Variants in ATRNL1 observed in about 807,000 individuals in gnomAD.
ATRNL1 encodes the protein attractin like 1.
In ATRNL1, 95 loss-of-function variants were observed where a neutral mutation model predicts 182.7. The observed-to-expected ratio is 0.52, with a 90% CI of 0.44 to 0.62. The LOEUF (loss-of-function observed/expected upper bound fraction) is 0.62, where lower values mean the gene tolerates loss of function less well. Among genes scored for constraint, ATRNL1 ranks in the 20% least tolerant of loss-of-function variants. The pLI is 0.00. For synonymous variants in ATRNL1, 576 were observed against 568.3 expected (o/e 1.01, Z -0.19); for missense variants, 1,471 against 1,679.5 (o/e 0.88, Z 2.17).
chr10:115,467,141 GT>G, intron 22 of ATRNL1, 32 bp from the exon 23 acceptor site: 1 of 1,467,492 alleles, frequency 6.8e-7, no homozygotes, highest in Non-Finnish European at 9.5e-7. Flanking sequence ...TGTAATTTTC[GT>G]TTTTTAACCT....
At chr10:115,422,585 G>A (rs1409684833) in intron 20 of ATRNL1, among the ~76,000 whole-genome samples, 2 of 152,208 alleles carry the variant, frequency 1.3e-5, no homozygotes, top group Non-Finnish European at 2.9e-5. Context: ...TTGCTGGTGG[G>A]ATTGTAAATT....
At chr10:115,492,913 G>T (rs1443557963) in intron 24 of ATRNL1, among the ~76,000 whole-genome samples, 1 of 152,010 alleles carries the variant, frequency 6.6e-6, no homozygotes, top group East Asian at 1.9e-4. Context: ...AAAGTACAGG[G>T]ATTACAGGCG....
In ATRNL1 at chr10:115,268,435, C is replaced by T. The variant is rs782673382; in HGVS notation, c.2091C>T (p.Asn697=). 9 of 1,603,086 alleles carry T rather than the reference C, an allele frequency of 5.6e-6. No individual in the cohort carries two copies. The South Asian group carries it at 9.9e-5, about 18-fold the overall frequency. ...DDKKCISANS[N]CSMSVKNYTK... ...AGAAATGCATTTCGGCAAATAGTAACTGCAGTATGGTTAGTATTTATGGGT... is the reference window on the plus strand; with the variant it reads ...AGAAATGCATTTCGGCAAATAGTAATTGCAGTATGGTTAGTATTTATGGGT... The change falls in exon 13 of 29, where the codon AAC becomes AAT. Residue 697 remains asparagine (N), a synonymous_variant. Transcript: ENST00000355044.
chr10:115,925,918 G>A (rs2134577440), intron 28 of ATRNL1, among the ~76,000 whole-genome samples: 2 of 152,300 alleles, frequency 1.3e-5, no homozygotes, highest in East Asian at 3.9e-4. Context: ...GGACCTAATA[G>A]ACATCTACAG....
At chr10:115,284,098 T>C (rs569101049) in intron 14 of ATRNL1, among the ~76,000 whole-genome samples, 3 of 152,328 alleles carry the variant, frequency 2.0e-5, no homozygotes, top group African/African-American at 4.8e-5. Context: ...TGATCTCATA[T>C]GAGCTTGGCA....
intron 5 of ATRNL1, among the ~76,000 whole-genome samples, chr10:115,144,037 G>C (rs1386950659): frequency 1.3e-5 from 2 of 150,356 alleles, no homozygotes; most frequent in East Asian, 2.0e-4. Context: ...CTGGAGTGCA[G>C]TGGGCTATCT....
At chr10:115,935,033 T>A (rs1555122549) in intron 28 of ATRNL1, among the ~76,000 whole-genome samples, 2 of 152,218 alleles carry the variant, frequency 1.3e-5, no homozygotes, top group African/African-American at 4.8e-5. Flanking sequence ...TCAGAGATCA[T>A]CTCTCTTGGG....
At position 115,847,951 on chromosome 10, in the gene ATRNL1, A is replaced by G; in HGVS notation, c.3978A>G (p.Leu1326=). The change falls in exon 28 of 29, where the codon CTA becomes CTG. Residue 1326 remains leucine (L), a synonymous_variant. Coordinates refer to ENST00000355044, the MANE Select transcript of ATRNL1 (RefSeq NM_207303.4). ...RAAVLTVFLC[L]PRGSSGAPPP... ...CTGTTCTGACTGTGTTTCTTTGTCT[A>G]CCACGAGGATCATCAGGTGCCCCTC... 1.2e-6 allele frequency: 2 copies of G among 1,612,504 alleles called. No individual in the cohort carries two copies. Among genetic ancestry groups the G allele is most frequent in the Non-Finnish European group, 1.7e-6 (2 of 1,178,844 alleles).
At chr10:115,630,438 AG>A (rs1858409294) in intron 26 of ATRNL1, among the ~76,000 whole-genome samples, 1 of 151,962 alleles carries the variant, frequency 6.6e-6, no homozygotes, top group African/African-American at 2.4e-5. Context: ...CAGCTATTAT[AG>A]AAAACAATAC....
chr10:115,378,812 A>T (rs888378109), intron 19 of ATRNL1, among the ~76,000 whole-genome samples: 2 of 152,246 alleles, frequency 1.3e-5, no homozygotes, highest in Non-Finnish European at 2.9e-5. Context: ...AATCTATAAC[A>T]TATCTATTAA....
intron 26 of ATRNL1, among the ~76,000 whole-genome samples, chr10:115,569,098 G>A (rs564277359): frequency 1.3e-5 from 2 of 151,934 alleles, no homozygotes; most frequent in South Asian, 2.1e-4. Flanking sequence ...AGAAATATTA[G>A]AATGTGAAAA....
At position 115,908,556 on chromosome 10, in the gene ATRNL1, T is replaced by A. The variant is rs75127526; in HGVS notation, c.4019-36102T>A. 4.4e-3 allele frequency among the ~76,000 whole-genome samples: 669 copies of A among 152,290 alleles called. 2 individuals carry two copies. Among genetic ancestry groups the A allele is most frequent in the African/African-American group, 0.015 (629 of 41,554 alleles). ...CAGGTTGTCCAGGATAATCTCTCCA[T>A]CTGAAGGTCCTTCGTTTAATCACTT... On this transcript the variant is annotated intron_variant, in intron 28 of 28. Coordinates refer to ENST00000355044, the MANE Select transcript of ATRNL1 (RefSeq NM_207303.4).
chr10:115,536,941 T>C (rs1332247629), intron 25 of ATRNL1, among the ~76,000 whole-genome samples: 3 of 150,156 alleles, frequency 2.0e-5, no homozygotes, highest in Non-Finnish European at 4.4e-5. Flanking sequence ...AAGGACACTG[T>C]GAAGAATTAC....
chr10:115,930,458 A>G (rs189544383), intron 28 of ATRNL1, among the ~76,000 whole-genome samples: 8 of 152,316 alleles, frequency 5.3e-5, no homozygotes, highest in Admixed American at 2.0e-4. Flanking sequence ...CATAACTGAT[A>G]CTGATCTGAA....
chr10:115,922,438 C>G (rs1953093634), intron 28 of ATRNL1, among the ~76,000 whole-genome samples: 1 of 152,080 alleles, frequency 6.6e-6, no homozygotes. Flanking sequence ...TTCATTCTAT[C>G]TATCTAGCTA....
chr10:115,356,665 G>A (rs1020455713), intron 19 of ATRNL1, among the ~76,000 whole-genome samples: 1 of 151,718 alleles, frequency 6.6e-6, no homozygotes, highest in South Asian at 2.1e-4. Flanking sequence ...CTTTGCCATG[G>A]CTTTATCAAA....
intron 13 of ATRNL1, among the ~76,000 whole-genome samples, chr10:115,280,870 C>T (rs1000488992): frequency 2.0e-5 from 3 of 152,184 alleles, no homozygotes; most frequent in Non-Finnish European, 2.9e-5. Flanking sequence ...TTATTACGGG[C>T]GTAGGCCTTC....
chr10:115,299,271 A>T (rs1440552081), intron 15 of ATRNL1, among the ~76,000 whole-genome samples: 2 of 151,964 alleles, frequency 1.3e-5, no homozygotes, highest in African/African-American at 4.8e-5. Context: ...AGAACATTTT[A>T]AAATTGAGTA....
intron 26 of ATRNL1, among the ~76,000 whole-genome samples, chr10:115,626,038 G>A (rs1555024554): frequency 6.6e-6 from 1 of 152,038 alleles, no homozygotes; most frequent in East Asian, 1.9e-4. Flanking sequence ...GTACTACATG[G>A]TATATCTCCA....
Sources: allele counts gnomAD v4.1 joint callset (sites outside exome capture counted in the v4.1 genomes callset), GRCh38; gene constraint gnomAD v4.1.1; transcripts MANE v1.5; gene names NCBI Gene and HGNC (gene_info 2026-07-23, HGNC 2026-07-21).